Variants in MED12L observed in about 807,000 individuals in gnomAD.
The protein encoded by MED12L is mediator of RNA polymerase II transcription subunit 12-like protein.
MED12L carries 60 observed loss-of-function variants against 281.3 expected under a neutral mutation model. The observed-to-expected ratio is 0.21, with a 90% CI of 0.17 to 0.26. MED12L has a LOEUF of 0.26. Ranked by LOEUF, MED12L falls within the 10% of genes least tolerant of loss-of-function variation. MED12L has a pLI of 1.00. For synonymous variants in MED12L, 974 were observed against 987.2 expected (o/e 0.99, Z 0.25); for missense variants, 2,146 against 2,680.9 (o/e 0.80, Z 4.41).
chr3:151,205,036 T>C (rs914486742), intron 16 of MED12L, among the ~76,000 whole-genome samples: 6 of 152,378 alleles, frequency 3.9e-5, no homozygotes, highest in Middle Eastern at 3.4e-3. Flanking sequence ...TTCCTCCTTC[T>C]GAGAATGAGC....
rs762991833 is a variant in MED12L, at chr3:151,387,772, A to T, written c.5089-38A>T. The T allele has an allele frequency of 2.6e-6, 4 of 1,560,910 alleles. No homozygotes were observed. In the East Asian group the frequency reaches 9.0e-5, roughly 35 times the overall value. ...AGCCTGGCCTATGAATAAGGAAAAG[A>T]TCTGAGTGTGCTATCTTAGAGCGCT... On this transcript the variant is annotated intron_variant, in intron 36 of 44. Transcript: ENST00000687756.
In MED12L at chr3:151,086,889, C is replaced by T. The variant is rs375826180; in HGVS notation, c.-38C>T. The stretch of plus-strand genomic sequence containing the variant: ...GTGCTCAGAGGCGGCTGCTCCAGCT[C>T]CAACTCTCATTCATTTCGCCGGTTA... On this transcript the variant is annotated 5_prime_UTR_variant, in exon 2 of 45. Transcript: ENST00000687756. The T allele has an allele frequency of 1.5e-4, 229 of 1,525,082 alleles. No homozygotes were observed. The highest frequency in any genetic ancestry group is 2.0e-4 in the Non-Finnish European group (224 of 1,125,964). The allele number at this position is 1,525,082 out of a possible 1,614,324, so 94.5% of individuals were successfully genotyped here.
At chr3:151,275,929 G>A (rs1466141344) in intron 16 of MED12L, among the ~76,000 whole-genome samples, 1 of 152,106 alleles carries the variant, frequency 6.6e-6, no homozygotes, top group Non-Finnish European at 1.5e-5. Context: ...GGCTATGGGT[G>A]TAGCACCAGA....
chr3:151,309,623 C>G (rs1479867340), intron 16 of MED12L, among the ~76,000 whole-genome samples: 2 of 152,174 alleles, frequency 1.3e-5, no homozygotes, highest in African/African-American at 4.8e-5. Context: ...CTCCTCTTCT[C>G]AGAGCTTTCC....
At chr3:151,143,283 C>T (rs1342590110) in intron 5 of MED12L, among the ~76,000 whole-genome samples, 1 of 152,182 alleles carries the variant, frequency 6.6e-6, no homozygotes, top group African/African-American at 2.4e-5. Context: ...CTGTCTAAAG[C>T]TTGTTCAGAA....
At chr3:151,121,425 C>G (rs1713738019) in intron 3 of MED12L, among the ~76,000 whole-genome samples, 1 of 152,202 alleles carries the variant, frequency 6.6e-6, no homozygotes, top group Admixed American at 6.5e-5. Flanking sequence ...GAATGTCAGG[C>G]TTTTTACCCT....
chr3:151,351,930 A>C (rs1047569720), intron 17 of MED12L, among the ~76,000 whole-genome samples: 4 of 152,218 alleles, frequency 2.6e-5, no homozygotes, highest in African/African-American at 7.2e-5. Flanking sequence ...ATGAACTCAC[A>C]AAGCGAAAAA....
chr3:151,341,569 T>TC lies in MED12L; in HGVS notation c.2251-8490_2251-8489insC. On this transcript the variant is annotated intron_variant, in intron 16 of 44. Coordinates refer to ENST00000687756, the MANE Select transcript of MED12L (RefSeq NM_001393769.1). ...GCAAAGTGTTTTGCTGCTTTAACTT[T>TC]TTTTTTTTAATTTTATTATTATTAT... Among the ~76,000 whole-genome samples, 3 of 151,136 alleles carry TC rather than the reference T, an allele frequency of 2.0e-5. No homozygotes were observed. The South Asian group carries it at 6.3e-4, about 32-fold the overall frequency.
chr3:151,153,783 G>T (rs2148925058), intron 5 of MED12L, among the ~76,000 whole-genome samples: 1 of 152,050 alleles, frequency 6.6e-6, no homozygotes, highest in South Asian at 2.1e-4. Context: ...TGGCCAGGCT[G>T]GTCTTGAACT....
At chr3:151,432,373 T>TA (rs1405597000) in intron 44 of MED12L, among the ~76,000 whole-genome samples, 1 of 152,244 alleles carries the variant, frequency 6.6e-6, no homozygotes, top group African/African-American at 2.4e-5. Flanking sequence ...AATTTTTTCT[T>TA]ACCAATTATG....
chr3:151,291,697 T>C (rs578236354), intron 16 of MED12L, among the ~76,000 whole-genome samples: 10 of 152,300 alleles, frequency 6.6e-5, no homozygotes, highest in Admixed American at 5.9e-4. Context: ...AATAGAGTAT[T>C]ATGTAACTTC....
In MED12L at chr3:151,430,322, G is replaced by A; in HGVS notation, c.6432G>A (p.Gln2144=). ...QPLFPRQGLQ[Q]TQQQQQTAAL... is the part of the protein sequence containing the mutation. ...AGTTTCCCAGGCAAGGCTTGCAGCAGACCCAGCAGCAGCAGCAGACGGCCG... is the reference window on the plus strand; with the variant it reads ...AGTTTCCCAGGCAAGGCTTGCAGCAAACCCAGCAGCAGCAGCAGACGGCCG... Residue 2144 remains glutamine (Q), a synonymous_variant, in exon 44 of 45, where the codon CAG becomes CAA. Coordinates refer to ENST00000687756, the MANE Select transcript of MED12L (RefSeq NM_001393769.1). 6.2e-7 allele frequency: 1 copy of A among 1,614,098 alleles called. No homozygotes were observed. Among genetic ancestry groups the A allele is most frequent in the Non-Finnish European group, 8.5e-7 (1 of 1,179,980 alleles).
intron 5 of MED12L, among the ~76,000 whole-genome samples, chr3:151,131,333 G>T (rs1303888068): frequency 1.3e-5 from 2 of 152,180 alleles, no homozygotes; most frequent in African/African-American, 2.4e-5. Flanking sequence ...AGGCATGGTG[G>T]CTCATGCCTA....
intron 39 of MED12L, among the ~76,000 whole-genome samples, chr3:151,406,802 C>CT (rs36114038): frequency 0.49 from 67,579 of 137,212 alleles, 17,134 homozygotes; most frequent in African/African-American, 0.63. Context: ...TCTTCTTCTT[C>CT]TTTTTTTTTT....
chr3:151,216,021 G>A (rs182353500), intron 16 of MED12L, among the ~76,000 whole-genome samples: 1 of 152,136 alleles, frequency 6.6e-6, no homozygotes, highest in Non-Finnish European at 1.5e-5. Flanking sequence ...TCCTAGCCTG[G>A]TTTGGGGTGG....
chr3:151,377,926 A>T, intron 30 of MED12L, 86 bp from the exon 31 acceptor site: 1 of 1,346,476 alleles, frequency 7.4e-7, no homozygotes, highest in Non-Finnish European at 1.0e-6. Flanking sequence ...CTCATACATC[A>T]AAGTTTCGCT....
intron 3 of MED12L, among the ~76,000 whole-genome samples, chr3:151,119,998 T>A (rs1713492866): frequency 6.6e-6 from 1 of 151,204 alleles, no homozygotes; most frequent in Non-Finnish European, 1.5e-5. Flanking sequence ...GCAGGTGGAT[T>A]ATCTGAAGTC....
chr3:151,338,522 C>CAA, intron 16 of MED12L: 1 of 1,613,856 alleles, frequency 6.2e-7, no homozygotes, highest in South Asian at 1.1e-5. Context: ...TACTGATATA[C>CAA]ATTGTGAAAT....
At position 151,435,233 on chromosome 3, in the gene MED12L, A is replaced by C. The variant is rs1010723406; in HGVS notation, c.*2429A>C. 1.0e-5 allele frequency: 1 copy of C among 99,942 alleles called. No homozygotes were observed. The highest frequency in any genetic ancestry group is 2.0e-5 in the Non-Finnish European group (1 of 49,328). 6.2% of individuals were successfully genotyped at this position (99,942 alleles called of 1,614,324 possible). The stretch of plus-strand genomic sequence containing the variant: ...CCTTAAAGACAAGACCTTGAAATCA[A>C]ATGGAGTCAGCTATACCTATCAATC... On this transcript the variant is annotated 3_prime_UTR_variant, in exon 45 of 45. Coordinates refer to ENST00000687756, the MANE Select transcript of MED12L (RefSeq NM_001393769.1).
Sources: gnomAD v4.1 joint callset for allele counts (sites outside exome capture counted in the v4.1 genomes callset) on GRCh38, gnomAD v4.1.1 for gene constraint, MANE v1.5 for transcripts, NCBI Gene and HGNC (gene_info 2026-07-23, HGNC 2026-07-21) for gene names.